The following PDCL2 variants were observed in gnomAD, a reference collection of about 807,000 sequenced individuals.
PDCL2 encodes the protein phosducin-like protein 2.
In PDCL2, 23 loss-of-function variants were observed where a neutral mutation model predicts 30.3. That is an observed-to-expected ratio of 0.76 (90% CI 0.55 to 1.08). The LOEUF is 1.08. Among genes scored for constraint, PDCL2 ranks in the 50% least tolerant of loss-of-function variants. PDCL2 has a pLI of 0.00. For synonymous variants in PDCL2, 68 were observed against 86.2 expected (o/e 0.79, Z 1.17); for missense variants, 243 against 282.3 (o/e 0.86, Z 1.00).
At chr4:55,587,070 C>T (rs144611018) in intron 1 of PDCL2, among the ~76,000 whole-genome samples, 14 of 151,740 alleles carry the variant, frequency 9.2e-5, no homozygotes, top group African/African-American at 3.2e-4. Flanking sequence ...TTTCACTGTT[C>T]TGGAGGCTGG....
intron 5 of PDCL2, among the ~76,000 whole-genome samples, chr4:55,558,930 G>A (rs1450393184): frequency 2.0e-5 from 3 of 151,866 alleles, no homozygotes; most frequent in Non-Finnish European, 4.4e-5. Flanking sequence ...GCACACACAC[G>A]CACTCTTATA....
At chr4:55,583,330 G>A (rs960524883) in intron 1 of PDCL2, among the ~76,000 whole-genome samples, 3 of 152,208 alleles carry the variant, frequency 2.0e-5, no homozygotes, top group Non-Finnish European at 2.9e-5. Context: ...CATGTCAAGT[G>A]TATTGCTTGT....
chr4:55,574,597 C>T (rs1732513745), intron 3 of PDCL2, among the ~76,000 whole-genome samples: 2 of 152,210 alleles, frequency 1.3e-5, no homozygotes, highest in African/African-American at 4.8e-5. Flanking sequence ...AATTGTGCAA[C>T]CATCACCACT....
chr4:55,575,277 A>T (rs901035645), intron 3 of PDCL2, among the ~76,000 whole-genome samples: 4 of 152,192 alleles, frequency 2.6e-5, no homozygotes, highest in Non-Finnish European at 4.4e-5. Flanking sequence ...AACTAAAATT[A>T]AAAAAATACA....
chr4:55,561,132 C>CA (rs893092782), intron 5 of PDCL2, among the ~76,000 whole-genome samples: 4 of 150,994 alleles, frequency 2.6e-5, no homozygotes, highest in African/African-American at 7.3e-5. Context: ...GTCCAAGCTA[C>CA]AAAAAACAAG....
chr4:55,591,696 G>A (rs890646902), intron 1 of PDCL2, among the ~76,000 whole-genome samples: 6 of 152,116 alleles, frequency 3.9e-5, no homozygotes, highest in African/African-American at 1.4e-4. Context: ...AGGGACATAT[G>A]GTATTAAGAC....
intron 1 of PDCL2, among the ~76,000 whole-genome samples, chr4:55,583,330 G>C (rs960524883): frequency 7.2e-5 from 11 of 152,208 alleles, no homozygotes; most frequent in African/African-American, 2.7e-4. Flanking sequence ...CATGTCAAGT[G>C]TATTGCTTGT....
intron 1 of PDCL2, among the ~76,000 whole-genome samples, chr4:55,589,086 C>T (rs754908099): frequency 2.0e-5 from 3 of 152,128 alleles, no homozygotes; most frequent in Non-Finnish European, 2.9e-5. Context: ...GTCTCGATCT[C>T]CTGACCTCGT....
chr4:55,579,550 C>G (rs774281510), intron 3 of PDCL2, among the ~76,000 whole-genome samples: 1 of 152,194 alleles, frequency 6.6e-6, no homozygotes, highest in African/African-American at 2.4e-5. Flanking sequence ...CTCCTGACCT[C>G]AGGTGATCCA....
At chr4:55,579,940 C>T (rs1031819853) in intron 3 of PDCL2, among the ~76,000 whole-genome samples, 2 of 151,984 alleles carry the variant, frequency 1.3e-5, no homozygotes, top group Non-Finnish European at 2.9e-5. Context: ...TCTGCCCCAC[C>T]GGGTTCAAGC....
chr4:55,574,017 C>A (rs1203929959), intron 3 of PDCL2, among the ~76,000 whole-genome samples: 2 of 151,824 alleles, frequency 1.3e-5, no homozygotes, highest in African/African-American at 4.8e-5. Flanking sequence ...CCTCAGCCTC[C>A]CATTTATCAC....
At position 55,564,854 on chromosome 4, in the gene PDCL2, G is replaced by T. The variant is rs181563350; in HGVS notation, c.363-2242C>A. Among the ~76,000 whole-genome samples the T allele has an allele frequency of 3.3e-3, 509 of 152,312 alleles. 2 individuals are homozygous for T. The highest frequency in any genetic ancestry group is 0.011 in the African/African-American group (468 of 41,572). ...CCACCTTTGTAAAAATTTTAACAGT[G>T]AGAGAATTATGACAGTGAAAGAGAT... is the stretch of plus-strand genomic sequence containing the variant. On this transcript the variant is annotated intron_variant, in intron 4 of 5. Coordinates refer to ENST00000295645, the MANE Select transcript of PDCL2 (RefSeq NM_152401.3).
At chr4:55,584,816 A>G (rs1175575204) in intron 1 of PDCL2, among the ~76,000 whole-genome samples, 1 of 152,194 alleles carries the variant, frequency 6.6e-6, no homozygotes, top group Non-Finnish European at 1.5e-5. Context: ...GTCTACGAAA[A>G]AAACCTTTCA....
chr4:55,580,855 C>T lies in PDCL2; in HGVS notation c.184G>A (p.Asp62Asn), dbSNP rs17853292. Residue 62 changes from aspartate (D) to asparagine (N), a missense_variant, in exon 3 of 6, where the codon GAT becomes AAT. Physicochemically the swap from Asp to Asn is conservative, Grantham distance 23 (BLOSUM62 1). Coordinates refer to ENST00000295645, the MANE Select transcript of PDCL2 (RefSeq NM_152401.3). ...AQLKEAEDEF[D>N]EEDMQAVETY... ...TCAACAGCCTGCATATCTTCTTCAT[C>T]AAATTCATCTTCAGCTTCCTTTAGC... The T allele has an allele frequency of 6.2e-7, 1 of 1,610,878 alleles. No individual in the cohort carries two copies.
At chr4:55,592,048 C>A in intron 1 of PDCL2, 56 bp downstream of exon 1, 4 of 1,598,070 alleles carry the variant, frequency 2.5e-6, no homozygotes, top group Non-Finnish European at 3.4e-6. Flanking sequence ...TGGCTTCGGG[C>A]CCAGCTGGAG....
intron 1 of PDCL2, among the ~76,000 whole-genome samples, chr4:55,586,798 A>G (rs9993599): frequency 0.76 from 114,846 of 151,978 alleles, 43,789 homozygotes; most frequent in East Asian, 0.9. Context: ...ATGCAAAAGG[A>G]TTCTAATTTG....
chr4:55,561,055 ATAT>A (rs1732119731), intron 5 of PDCL2, among the ~76,000 whole-genome samples: 1 of 152,180 alleles, frequency 6.6e-6, no homozygotes, highest in South Asian at 2.1e-4. Flanking sequence ...AATGCTTACT[ATAT>A]TATTATTCTA....
intron 1 of PDCL2, among the ~76,000 whole-genome samples, chr4:55,583,557 T>C (rs1431261575): frequency 2.6e-5 from 4 of 152,224 alleles, no homozygotes; most frequent in Admixed American, 1.3e-4. Flanking sequence ...TCAGGTCTTA[T>C]ATTTAAGTCT....
intron 3 of PDCL2, among the ~76,000 whole-genome samples, chr4:55,570,843 T>C (rs11943206): frequency 0.3 from 45,831 of 152,136 alleles, 7,515 homozygotes; most frequent in East Asian, 0.58. Flanking sequence ...ACCTCTAAGT[T>C]TGCTGGAAGT....
Sources: gnomAD v4.1 joint callset for allele counts (sites outside exome capture counted in the v4.1 genomes callset) on GRCh38, gnomAD v4.1.1 for gene constraint, MANE v1.5 for transcripts, NCBI Gene and HGNC (gene_info 2026-07-23, HGNC 2026-07-21) for gene names.